LIPG: variants seen among roughly 807,000 people sequenced by gnomAD.
LIPG encodes endothelial lipase.
In LIPG, 34 loss-of-function variants were observed where a neutral mutation model predicts 51.8. The observed-to-expected ratio is 0.66, with a 90% CI of 0.50 to 0.87. The LOEUF is 0.87. Ranked by LOEUF, LIPG falls within the 40% of genes least tolerant of loss-of-function variation. The probability of loss-of-function intolerance (pLI) is 0.00; values close to 1 mark genes in which losing one functional copy is unlikely to be tolerated. For missense variants in LIPG, 580 were observed against 652.7 expected (o/e 0.89, Z 1.21); for synonymous variants, 246 against 246.1 (o/e 1.00, Z 0.00).
rs1361811873 is a variant in LIPG, at chr18:49,598,901, T to C, written c.*8379T>C. On this transcript the variant is annotated 3_prime_UTR_variant, in exon 10 of 10. Transcript: ENST00000261292. Reference sequence around the variant, plus strand: ...TCTGCCTTCTTGTACTCAGCATAATTATTTTGAGATTCATCCACGTCTTTG... The same window carrying C: ...TCTGCCTTCTTGTACTCAGCATAATCATTTTGAGATTCATCCACGTCTTTG... The C allele has an allele frequency of 2.0e-5, 3 of 152,244 alleles. No individual in the cohort carries two copies. Among genetic ancestry groups the C allele is most frequent in the Non-Finnish European group, 4.4e-5 (3 of 68,048 alleles). 9.4% of individuals were successfully genotyped at this position (152,244 alleles called of 1,614,324 possible). A position where few individuals can be genotyped will look rare whatever the true frequency, so the allele number is the denominator to read the frequency against.
intron 2 of LIPG, among the ~76,000 whole-genome samples, chr18:49,566,373 G>C (rs1379816977): frequency 6.6e-6 from 1 of 152,134 alleles, no homozygotes; most frequent in Non-Finnish European, 1.5e-5. Context: ...CTGTCAAAAT[G>C]CAAATACAAG....
chr18:49,588,124 A>G (rs2052339851), intron 9 of LIPG, among the ~76,000 whole-genome samples: 1 of 151,948 alleles, frequency 6.6e-6, no homozygotes, highest in Admixed American at 6.6e-5. Flanking sequence ...CTCTGTAATA[A>G]CTAGAGCTGT....
At chr18:49,581,061 C>A (rs1022306183) in intron 5 of LIPG, among the ~76,000 whole-genome samples, 1 of 152,094 alleles carries the variant, frequency 6.6e-6, no homozygotes, top group African/African-American at 2.4e-5. Context: ...GAGTTCAAGA[C>A]CAGCCTGGGC....
In LIPG at chr18:49,592,534, G is replaced by A. The variant is rs1358510370; in HGVS notation, c.*2012G>A. On this transcript the variant is annotated 3_prime_UTR_variant, in exon 10 of 10. Coordinates refer to ENST00000261292, the MANE Select transcript of LIPG (RefSeq NM_006033.4). ...TGAAGCATGGTTTGTGGTAACTTAT[G>A]TGAGGGGTTTTCCCATTTTTTGTCT... is the stretch of plus-strand genomic sequence containing the variant. 1 of 153,190 alleles carries A rather than the reference G, an allele frequency of 6.5e-6. No individual in the cohort carries two copies. The highest frequency in any genetic ancestry group is 1.9e-4 in the East Asian group (1 of 5,302). 9.5% of individuals were successfully genotyped at this position (153,190 alleles called of 1,614,324 possible).
rs1466838146 is a variant in LIPG at position 49,574,142 on chromosome 18, T to C, written c.572-1227T>C. Among the ~76,000 whole-genome samples the C allele has an allele frequency of 3.3e-5, 5 of 152,308 alleles. 1 individual carries two copies. The South Asian group carries it at 8.3e-4, about 25-fold the overall frequency. ...CATCCCTTAACTTTCTCCAGGTCCT[T>C]CCTGTGTGTCTGTGGGGCAAAGAGC... On this transcript the variant is annotated intron_variant, in intron 4 of 9. Coordinates refer to ENST00000261292, the MANE Select transcript of LIPG (RefSeq NM_006033.4).
chr18:49,575,181 G>C (rs1197256992), intron 4 of LIPG, among the ~76,000 whole-genome samples, 188 bp from the exon 5 acceptor site: 1 of 152,208 alleles, frequency 6.6e-6, no homozygotes, highest in Non-Finnish European at 1.5e-5. Context: ...TTTCTGCAAT[G>C]ATGTCTTGGG....
intron 1 of LIPG, among the ~76,000 whole-genome samples, chr18:49,564,015 T>C (rs1408135058): frequency 6.6e-6 from 1 of 152,148 alleles, no homozygotes; most frequent in Non-Finnish European, 1.5e-5. Flanking sequence ...TTTCTGCTGG[T>C]TGGGGCTTTT....
Position 49,593,899 on chromosome 18 carries a change from G to A in LIPG, c.*3377G>A, listed in dbSNP as rs901040611. Reference sequence around the variant, plus strand: ...ACATATAATAATTGTACATATTTGTGGGGAAAATAGTGATGTTTCGATACA... The same window carrying A: ...ACATATAATAATTGTACATATTTGTAGGGAAAATAGTGATGTTTCGATACA... On this transcript the variant is annotated 3_prime_UTR_variant, in exon 10 of 10. Transcript: ENST00000261292. 3 of 152,106 alleles carry A rather than the reference G, an allele frequency of 2.0e-5. No homozygotes were observed. Among genetic ancestry groups the A allele is most frequent in the Admixed American group, 6.5e-5 (1 of 15,274 alleles). The allele number at this position is 152,106 out of a possible 1,614,324, so 9.4% of individuals were successfully genotyped here. A position where few individuals can be genotyped will look rare whatever the true frequency, so the allele number is the denominator to read the frequency against.
chr18:49,581,835 A>G, intron 6 of LIPG, 178 bp downstream of exon 6: 1 of 762,420 alleles, frequency 1.3e-6, no homozygotes, highest in Non-Finnish European at 2.2e-6. Flanking sequence ...TACAAAATAA[A>G]CAGTGTGGAC....
chr18:49,574,719 G>C (rs1212140315), intron 4 of LIPG, among the ~76,000 whole-genome samples: 2 of 152,112 alleles, frequency 1.3e-5, no homozygotes, highest in African/African-American at 2.4e-5. Flanking sequence ...AACACAAAAT[G>C]TTTGGAGGCG....
chr18:49,578,915 G>T, intron 5 of LIPG, among the ~76,000 whole-genome samples: 1 of 146,648 alleles, frequency 6.8e-6, no homozygotes, highest in Non-Finnish European at 1.5e-5. Flanking sequence ...GGCAGGCTGA[G>T]GCAGGAGAAT....
Position 49,562,256 on chromosome 18 carries a change from G to C in LIPG, c.-53G>C. On this transcript the variant is annotated 5_prime_UTR_variant, in exon 1 of 10. Transcript: ENST00000261292. The stretch of plus-strand genomic sequence containing the variant: ...GGGATTGCTGGAAACACCAAGAGGT[G>C]GTTTTTGTTTTTTAAAACTTCTGTT... 1.2e-6 allele frequency: 2 copies of C among 1,612,046 alleles called. No homozygotes were observed. Among genetic ancestry groups the C allele is most frequent in the Non-Finnish European group, 1.7e-6 (2 of 1,179,924 alleles).
At chr18:49,574,951 A>G (rs2084700063) in intron 4 of LIPG, among the ~76,000 whole-genome samples, 1 of 152,210 alleles carries the variant, frequency 6.6e-6, no homozygotes, top group Admixed American at 6.5e-5. Flanking sequence ...TTCTGCTACA[A>G]TTAAGGACAT....
At chr18:49,579,529 G>C (rs1180988561) in intron 5 of LIPG, among the ~76,000 whole-genome samples, 3 of 151,792 alleles carry the variant, frequency 2.0e-5, no homozygotes, top group Admixed American at 1.3e-4. Context: ...ACCAATTTTG[G>C]GGGGGTTTCT....
chr18:49,588,972 G>T (rs8088349), intron 9 of LIPG, among the ~76,000 whole-genome samples: 4,928 of 152,196 alleles, frequency 0.032, 264 homozygotes, highest in African/African-American at 0.11. Context: ...GGGGTTGTTA[G>T]CCCTGTGTAC....
intron 4 of LIPG, among the ~76,000 whole-genome samples, chr18:49,573,579 C>CA (rs35007833): frequency 1.6e-3 from 187 of 115,198 alleles, no homozygotes; most frequent in South Asian, 4.3e-3. Flanking sequence ...GATTCCAACT[C>CA]AAAAAAAAAA....
chr18:49,562,303 G>A lies in LIPG; in HGVS notation c.-6G>A. The stretch of plus-strand genomic sequence containing the variant: ...TGTTTCTTGGGAGGGGGTGTGGCGG[G>A]GCAGGATGAGCAACTCCGTTCCTCT... On this transcript the variant is annotated 5_prime_UTR_variant, in exon 1 of 10. Coordinates refer to ENST00000261292, the MANE Select transcript of LIPG (RefSeq NM_006033.4). The A allele has an allele frequency of 6.2e-7, 1 of 1,612,224 alleles. No individual in the cohort carries two copies. Among genetic ancestry groups the A allele is most frequent in the Non-Finnish European group, 8.5e-7 (1 of 1,179,900 alleles).
rs533947096 is a variant in LIPG, at chr18:49,596,157, C to T, written c.*5635C>T. 4 of 151,916 alleles carry T rather than the reference C, an allele frequency of 2.6e-5. No individual in the cohort carries two copies. The highest frequency in any genetic ancestry group is 2.1e-4 in the South Asian group (1 of 4,810). The allele number at this position is 151,916 out of a possible 1,614,324, so 9.4% of individuals were successfully genotyped here. On this transcript the variant is annotated 3_prime_UTR_variant, in exon 10 of 10. Transcript: ENST00000261292. ...GTAGAAGTTAAAACCATCAACCCCC[C>T]CAAAACAAAAATGAATTCCATCTGA...
chr18:49,586,215 ACAGAGCACTGGAC>A (rs1295721094), intron 8 of LIPG, among the ~76,000 whole-genome samples: 1 of 152,208 alleles, frequency 6.6e-6, no homozygotes, highest in Non-Finnish European at 1.5e-5. Flanking sequence ...ATGGATATTT[ACAGAGCACTGGAC>A]TAGAGGTACT....
Sources: allele counts gnomAD v4.1 joint callset (sites outside exome capture counted in the v4.1 genomes callset), GRCh38; gene constraint gnomAD v4.1.1; transcripts MANE v1.5; gene names NCBI Gene and HGNC (gene_info 2026-07-23, HGNC 2026-07-21).